Variants in ITGA11 observed in about 807,000 individuals in gnomAD.
ITGA11 encodes integrin alpha-11.
A neutral mutation model predicts 141.9 loss-of-function variants in ITGA11; 97 were observed. The observed-to-expected ratio is 0.68, with a 90% CI of 0.58 to 0.81. The LOEUF (loss-of-function observed/expected upper bound fraction) is 0.81. Ranked by LOEUF, ITGA11 falls within the 30% of genes least tolerant of loss-of-function variation. The pLI is 0.00. For synonymous variants in ITGA11, 658 were observed against 624.6 expected, an observed-to-expected ratio of 1.05 and a Z score of -0.80; for missense variants, 1,387 against 1,559.2, an observed-to-expected ratio of 0.89 and a Z score of 1.86.
intron 2 of ITGA11, among the ~76,000 whole-genome samples, chr15:68,400,798 TATA>T (rs1249421901): frequency 3.4e-5 from 2 of 59,462 alleles, no homozygotes; most frequent in Non-Finnish European, 5.7e-5. Flanking sequence ...TTATATATTA[TATA>T]ATAAATATTA....
intron 16 of ITGA11, among the ~76,000 whole-genome samples, chr15:68,327,328 C>T (rs934700914): frequency 5.3e-5 from 8 of 152,226 alleles, no homozygotes; most frequent in African/African-American, 1.4e-4. Context: ...TGCCAATTCC[C>T]GGAAAGGCTC....
Position 68,303,160 on chromosome 15 carries a change from A to C in ITGA11, c.3496-30T>G. ...GAGGAGGCAAAGGGAGACGTCTCAG[A>C]GGAGGACAGGGTGGGCAAGGCCTGC... On this transcript the variant is annotated intron_variant, in intron 29 of 29. Transcript: ENST00000315757. This position sits in a 1 kb window ranked among gnomAD's most constrained non-coding sequence, Gnocchi z 5.3. 1.3e-6 allele frequency: 2 copies of C among 1,545,404 alleles called. No homozygotes were observed. Among genetic ancestry groups the C allele is most frequent in the Non-Finnish European group, 1.8e-6 (2 of 1,142,678 alleles).
At chr15:68,405,271 A>G (rs1896621840) in intron 1 of ITGA11, among the ~76,000 whole-genome samples, 1 of 149,418 alleles carries the variant, frequency 6.7e-6, no homozygotes, top group African/African-American at 2.5e-5. Context: ...AAGTAGGGAT[A>G]TTAGATACGT....
At chr15:68,384,610 G>A (rs747502805) in intron 2 of ITGA11, among the ~76,000 whole-genome samples, 4 of 152,170 alleles carry the variant, frequency 2.6e-5, no homozygotes, top group Admixed American at 6.5e-5. Flanking sequence ...GTTTCCCCAC[G>A]AATACAGTTT....
chr15:68,396,406 GA>G (rs1288694176), intron 2 of ITGA11, among the ~76,000 whole-genome samples: 2 of 151,684 alleles, frequency 1.3e-5, no homozygotes, highest in South Asian at 2.1e-4. Flanking sequence ...GCTATGAATA[GA>G]AAAAAACTTC....
intron 6 of ITGA11, 109 bp from the exon 7 acceptor site, chr15:68,357,408 A>C: frequency 1.3e-5 from 18 of 1,348,912 alleles, no homozygotes; most frequent in Non-Finnish European, 1.8e-5. Flanking sequence ...ATAATACAGG[A>C]GGGAGGAGGG....
At position 68,299,523 on chromosome 15, in the gene ITGA11, G is replaced by A. The variant is rs1892979402; in HGVS notation, c.*3536C>T. The A allele has an allele frequency of 6.6e-6, 1 of 151,998 alleles. No individual in the cohort carries two copies. The highest frequency in any genetic ancestry group is 6.5e-5 in the Admixed American group (1 of 15,278). 9.4% of individuals were successfully genotyped at this position (151,998 alleles called of 1,614,324 possible). On this transcript the variant is annotated 3_prime_UTR_variant, in exon 30 of 30. Transcript: ENST00000315757. ...TGGTGTGGTGTTGAATAAAAACAGG[G>A]GACCATTCATACTAATGGCTGTATT...
intron 1 of ITGA11, among the ~76,000 whole-genome samples, chr15:68,406,988 C>T (rs1198170096): frequency 6.6e-6 from 1 of 152,208 alleles, no homozygotes; most frequent in African/African-American, 2.4e-5. Context: ...CACATGACCA[C>T]ATAGCTTGGG....
chr15:68,302,055 A>AGTGTGTGTGTGTGTGTGTGTGTGTGTGT lies in ITGA11; in HGVS notation c.*976_*1003dup, dbSNP rs3084584. Reference sequence around the variant, plus strand: ...CGGGCATGAGGGAAGGATGGGAGGCAGTGTGTGTGTGTGTGTGTGTGTGTG... The same window carrying AGTGTGTGTGTGTGTGTGTGTGTGTGTGT: ...CGGGCATGAGGGAAGGATGGGAGGCAGTGTGTGTGTGTGTGTGTGTGTGTGTGTGTGTGTGTGTGTGTGTGTGTGTGTG... On this transcript the variant is annotated 3_prime_UTR_variant, in exon 30 of 30. Transcript: ENST00000315757. 9.6e-6 allele frequency: 1 copy of AGTGTGTGTGTGTGTGTGTGTGTGTGTGT among 103,808 alleles called. No homozygotes were observed. Among genetic ancestry groups the AGTGTGTGTGTGTGTGTGTGTGTGTGTGT allele is most frequent in the African/African-American group, 3.6e-5 (1 of 27,402 alleles). The allele number at this position is 103,808 out of a possible 1,614,324, so 6.4% of individuals were successfully genotyped here. A position where few individuals can be genotyped will look rare whatever the true frequency, so the allele number is the denominator to read the frequency against.
chr15:68,382,514 T>C (rs1895887901), intron 2 of ITGA11, among the ~76,000 whole-genome samples: 1 of 152,232 alleles, frequency 6.6e-6, no homozygotes, highest in South Asian at 2.1e-4. Flanking sequence ...AAGATTTACC[T>C]TGGGTCACAT....
chr15:68,297,157 T>G lies in ITGA11; in HGVS notation c.*5902A>C, dbSNP rs901626708. 6.6e-6 allele frequency: 1 copy of G among 152,162 alleles called. No homozygotes were observed. The highest frequency in any genetic ancestry group is 1.5e-5 in the Non-Finnish European group (1 of 68,058). 9.4% of individuals were successfully genotyped at this position (152,162 alleles called of 1,614,324 possible). On this transcript the variant is annotated 3_prime_UTR_variant, in exon 30 of 30. Transcript: ENST00000315757. ...AGAGATGGGGTTTTGCCATGATGCC[T>G]AGGCTGGTCTTGAACTCCTGGGTTC...
intron 5 of ITGA11, among the ~76,000 whole-genome samples, chr15:68,360,988 A>G (rs546419173): frequency 6.6e-6 from 1 of 152,212 alleles, no homozygotes; most frequent in African/African-American, 2.4e-5. Context: ...TGAGGCTCAG[A>G]GCCAAGAAGT....
At position 68,361,699 on chromosome 15, in the gene ITGA11, G is replaced by T; in HGVS notation, c.363C>A (p.Cys121Ter). ...CACACTCATGAGACCAGAGGGGGCT[G>T]CAGGCCTGGGGAGGGCAGTGCAGAT... is the stretch of plus-strand genomic sequence containing the variant. ...TNPKDNSFLA[C>*]SPLWSHECGS... The change falls in exon 5 of 30, where the codon TGC becomes TGA. Residue 121 changes from cysteine (C) to a stop codon, truncating the protein, a stop_gained. Transcript: ENST00000315757. LOFTEE classifies it high-confidence loss of function. 6.2e-7 allele frequency: 1 copy of T among 1,600,880 alleles called. No individual in the cohort carries two copies. Among genetic ancestry groups the T allele is most frequent in the Non-Finnish European group, 8.5e-7 (1 of 1,173,062 alleles).
At chr15:68,330,607 A>T (rs1251421648) in intron 15 of ITGA11, among the ~76,000 whole-genome samples, 1 of 152,158 alleles carries the variant, frequency 6.6e-6, no homozygotes, top group East Asian at 1.9e-4. Context: ...GGAGGAAAGA[A>T]ATCTCTGTAC....
Position 68,302,057 on chromosome 15 carries a change from TGTGTG to T in ITGA11, c.*997_*1001del. On this transcript the variant is annotated 3_prime_UTR_variant, in exon 30 of 30. Coordinates refer to ENST00000315757, the MANE Select transcript of ITGA11 (RefSeq NM_001004439.2). ...GGCATGAGGGAAGGATGGGAGGCAG[TGTGTG>T]TGTGTGTGTGTGTGTGTGTGTGTGT... 3.0e-5 allele frequency: 1 copy of T among 33,174 alleles called. No homozygotes were observed. The highest frequency in any genetic ancestry group is 7.7e-5 in the Non-Finnish European group (1 of 12,950). 2.1% of individuals were successfully genotyped at this position (33,174 alleles called of 1,614,324 possible). A position where few individuals can be genotyped will look rare whatever the true frequency, so the allele number is the denominator to read the frequency against.
chr15:68,313,704 G>A (rs1893470779), intron 23 of ITGA11, 75 bp downstream of exon 23: 2 of 1,139,166 alleles, frequency 1.8e-6, no homozygotes, highest in Admixed American at 2.0e-5. Flanking sequence ...CCCATCAGAG[G>A]ATGCCCCCCC....
intron 16 of ITGA11, among the ~76,000 whole-genome samples, chr15:68,327,717 G>A (rs1286494287): frequency 6.6e-6 from 1 of 151,992 alleles, no homozygotes; most frequent in African/African-American, 2.4e-5. Flanking sequence ...CATTGACCTG[G>A]CCTCCTGGTT....
At chr15:68,331,488 G>A (rs1894155296) in intron 14 of ITGA11, among the ~76,000 whole-genome samples, 1 of 151,900 alleles carries the variant, frequency 6.6e-6, no homozygotes, top group African/African-American at 2.4e-5. Flanking sequence ...AGGTGGGCAT[G>A]GTTTCTAGCA....
chr15:68,413,983 G>A (rs1166788256), intron 1 of ITGA11, among the ~76,000 whole-genome samples: 1 of 152,226 alleles, frequency 6.6e-6, no homozygotes, highest in Non-Finnish European at 1.5e-5. Flanking sequence ...CTGTACCATG[G>A]AGACTTGGCT....
Sources: gnomAD v4.1 joint callset for allele counts (sites outside exome capture counted in the v4.1 genomes callset) on GRCh38, gnomAD v4.1.1 for gene constraint, Gnocchi (gnomAD v3.1) non-coding constraint, MANE v1.5 for transcripts, NCBI Gene and HGNC (gene_info 2026-07-23, HGNC 2026-07-21) for gene names.